Variants in PBX3 observed in about 807,000 individuals in gnomAD.
PBX3 encodes the protein pre-B-cell leukemia transcription factor 3.
PBX3 carries 14 observed loss-of-function variants against 48.5 expected under a neutral mutation model. The observed-to-expected ratio is 0.29, with a 90% CI of 0.19 to 0.45. The LOEUF is 0.45. Ranked by LOEUF, PBX3 falls within the 20% of genes least tolerant of loss-of-function variation. PBX3 has a pLI of 1.00. For missense variants in PBX3, 386 were observed against 546.7 expected, an observed-to-expected ratio of 0.71 and a Z score of 2.93; for synonymous variants, 210 against 200.3, an observed-to-expected ratio of 1.05 and a Z score of -0.41.
chr9:125,837,851 A>G (rs991142270), intron 2 of PBX3, among the ~76,000 whole-genome samples: 3 of 152,114 alleles, frequency 2.0e-5, no homozygotes, highest in African/African-American at 4.8e-5. Flanking sequence ...CGGCCTTCCA[A>G]AGTGTTGGGA....
At chr9:125,935,633 T>G (rs765358782) in intron 5 of PBX3, 26 bp downstream of exon 5, 6 of 1,605,658 alleles carry the variant, frequency 3.7e-6, no homozygotes, top group Non-Finnish European at 5.1e-6. Flanking sequence ...TGGGTCTGTC[T>G]TGTTCCCTGT....
At chr9:125,949,646 C>T (rs1035684219) in intron 5 of PBX3, among the ~76,000 whole-genome samples, 4 of 152,102 alleles carry the variant, frequency 2.6e-5, no homozygotes, top group African/African-American at 9.7e-5. Context: ...CCCACTTTAA[C>T]AATTAAATGA....
At chr9:125,786,976 C>A (rs552787348) in intron 2 of PBX3, among the ~76,000 whole-genome samples, 5,446 of 152,196 alleles carry the variant, frequency 0.036, 336 homozygotes, top group African/African-American at 0.12. Flanking sequence ...CTGCCCACCT[C>A]GGCCTCGCAA....
rs1258823484 is a variant in PBX3, at chr9:125,960,857, C to T, written c.1009+8C>T. 8 of 1,610,568 alleles carry T rather than the reference C, an allele frequency of 5.0e-6. No individual in the cohort carries two copies. The highest frequency in any genetic ancestry group is 6.8e-6 in the Non-Finnish European group (8 of 1,177,342). On this transcript the variant is annotated splice_region_variant and intron_variant, in intron 6 of 8. Transcript: ENST00000373489. ...CCACCACACCAAATTCCGGTGCGTA[C>T]TGGGGGCTCGCTCCCCAACTGGCCC...
At chr9:125,826,329 A>G (rs925384725) in intron 2 of PBX3, among the ~76,000 whole-genome samples, 53 of 152,210 alleles carry the variant, frequency 3.5e-4, no homozygotes, top group African/African-American at 1.2e-3. Context: ...CACAAATGAT[A>G]TAGTAATAAC....
At chr9:125,829,651 T>C (rs1229890970) in intron 2 of PBX3, among the ~76,000 whole-genome samples, 1 of 152,210 alleles carries the variant, frequency 6.6e-6, no homozygotes, top group Non-Finnish European at 1.5e-5. Context: ...CTATTAGGCT[T>C]GTTATGTCAG....
At chr9:125,785,828 A>G (rs976657580) in intron 2 of PBX3, among the ~76,000 whole-genome samples, 1 of 152,198 alleles carries the variant, frequency 6.6e-6, no homozygotes, top group East Asian at 1.9e-4. Context: ...AGTATCCCAC[A>G]GTGGAAATTC....
chr9:125,806,483 C>T (rs1838128879), intron 2 of PBX3, among the ~76,000 whole-genome samples: 1 of 152,140 alleles, frequency 6.6e-6, no homozygotes, highest in South Asian at 2.1e-4. Flanking sequence ...CAGGATGGCA[C>T]CTTGCATGCT....
In PBX3 at chr9:125,747,537, G is replaced by A. The variant is rs1321808154; in HGVS notation, c.84G>A (p.Pro28=). ...CGGTGCAGGGGGGCATGGCCCTGCCGCCTCCCCCGCACGGCCACGAAGGGG... is the reference window on the plus strand; with the variant it reads ...CGGTGCAGGGGGGCATGGCCCTGCCACCTCCCCCGCACGGCCACGAAGGGG... ...GHSVQGGMAL[P]PPPHGHEGAD... is the part of the protein sequence containing the mutation. Residue 28 remains proline (P), a synonymous_variant, in exon 1 of 9, where the codon CCG becomes CCA. Transcript: ENST00000373489. 1.9e-6 allele frequency: 3 copies of A among 1,603,792 alleles called. No homozygotes were observed. Among genetic ancestry groups the A allele is most frequent in the South Asian group, 1.1e-5 (1 of 90,178 alleles).
rs796563587 is a variant in PBX3 at position 125,920,440 on chromosome 9, A to G, written c.516+4513A>G. On this transcript the variant is annotated intron_variant, in intron 3 of 8. Transcript: ENST00000373489. ...TGAGCTGGTCTTTCTTGGTTCCTCC[A>G]CCACCCTACCAAAAGGAAATGGACA... Among the ~76,000 whole-genome samples the G allele has an allele frequency of 1.4e-3, 208 of 152,256 alleles. 1 individual carries two copies. The highest frequency in any genetic ancestry group is 4.7e-3 in the African/African-American group (197 of 41,564).
At chr9:125,766,698 C>T (rs1836808465) in intron 2 of PBX3, among the ~76,000 whole-genome samples, 2 of 152,064 alleles carry the variant, frequency 1.3e-5, no homozygotes, top group Admixed American at 1.3e-4. Context: ...GTTCTTCTGT[C>T]TTAATGATTG....
chr9:125,782,596 C>G (rs571834821), intron 2 of PBX3, among the ~76,000 whole-genome samples: 26 of 152,216 alleles, frequency 1.7e-4, no homozygotes, highest in Non-Finnish European at 3.4e-4. Context: ...ACATACCAAA[C>G]ATATGTTAAT....
At chr9:125,955,116 A>T (rs965964105) in intron 5 of PBX3, among the ~76,000 whole-genome samples, 1 of 152,174 alleles carries the variant, frequency 6.6e-6, no homozygotes, top group Non-Finnish European at 1.5e-5. Flanking sequence ...ATGACCCTGG[A>T]CAGGCACATG....
chr9:125,836,799 A>AT (rs1839149742), intron 2 of PBX3, among the ~76,000 whole-genome samples: 1 of 152,174 alleles, frequency 6.6e-6, no homozygotes, highest in Admixed American at 6.5e-5. Context: ...TATCCATAAC[A>AT]TTTTTTTAAG....
intron 2 of PBX3, among the ~76,000 whole-genome samples, chr9:125,876,114 A>G (rs1483049157): frequency 1.3e-5 from 2 of 152,184 alleles, no homozygotes; most frequent in African/African-American, 4.8e-5. Context: ...ATCATGTTTT[A>G]TGGCTCCCCT....
intron 2 of PBX3, among the ~76,000 whole-genome samples, chr9:125,773,174 G>A (rs998486760): frequency 1.3e-5 from 2 of 152,136 alleles, no homozygotes; most frequent in African/African-American, 2.4e-5. Context: ...TGAGACTTTC[G>A]TAGATCAGTG....
chr9:125,769,276 C>T (rs1836881467), intron 2 of PBX3, among the ~76,000 whole-genome samples: 1 of 152,258 alleles, frequency 6.6e-6, no homozygotes, highest in Non-Finnish European at 1.5e-5. Flanking sequence ...TTGCTTTGTG[C>T]ACCATCAGTA....
rs376368745 is a variant in PBX3 at position 125,785,867 on chromosome 9, A to C, written c.274+37244A>C. 7.9e-5 allele frequency among the ~76,000 whole-genome samples: 12 copies of C among 152,226 alleles called. No individual in the cohort carries two copies. The South Asian group carries it at 2.3e-3, about 29-fold the overall frequency. ...CGGCTGACTTTGAGCCTGCCACTAAACCAGGTTGGGAGATGATACAAGGGA... is the reference window on the plus strand; with the variant it reads ...CGGCTGACTTTGAGCCTGCCACTAACCCAGGTTGGGAGATGATACAAGGGA... On this transcript the variant is annotated intron_variant, in intron 2 of 8. Coordinates refer to ENST00000373489, the MANE Select transcript of PBX3 (RefSeq NM_006195.6).
intron 2 of PBX3, among the ~76,000 whole-genome samples, chr9:125,791,759 C>A (rs909833419): frequency 3.9e-5 from 6 of 151,900 alleles, no homozygotes; most frequent in Non-Finnish European, 8.8e-5. Flanking sequence ...CACGGTGAAA[C>A]CCCGTCTCTA....
Sources: allele counts gnomAD v4.1 joint callset (sites outside exome capture counted in the v4.1 genomes callset), GRCh38; gene constraint gnomAD v4.1.1; transcripts MANE v1.5; gene names NCBI Gene and HGNC (gene_info 2026-07-23, HGNC 2026-07-21).